The following AVIL variants were observed in gnomAD, a reference collection of about 807,000 sequenced individuals.
AVIL encodes advillin.
A neutral mutation model predicts 109.9 loss-of-function variants in AVIL; 78 were observed. The ratio of observed to expected loss-of-function variants is 0.71; its 90% CI spans 0.59 to 0.86. The LOEUF is 0.86. Ranked by LOEUF, AVIL falls within the 40% of genes least tolerant of loss-of-function variation. The pLI is 0.00. For synonymous variants in AVIL, 367 were observed against 379.1 expected, an observed-to-expected ratio of 0.97 and a Z score of 0.37; for missense variants, 892 against 1,016.5, an observed-to-expected ratio of 0.88 and a Z score of 1.67.
At chr12:57,800,765 G>A (rs528619657) in intron 18 of AVIL, 11 of 160,552 alleles carry the variant, frequency 6.9e-5, no homozygotes, top group East Asian at 3.6e-4. Flanking sequence ...ATGCCACCAC[G>A]GCCGGCTAAT....
chr12:57,814,244 G>T lies in AVIL; in HGVS notation c.67-18C>A. On this transcript the variant is annotated intron_variant, in intron 2 of 19. Coordinates refer to ENST00000549994, the MANE Select transcript of AVIL (RefSeq NM_006576.4). ...TCCATTTTCTGGAAGGACAAGGGGT[G>T]GGTATAGGCTACATCCCCTCCCACC... The T allele has an allele frequency of 6.2e-7, 1 of 1,607,710 alleles. No individual in the cohort carries two copies. Among genetic ancestry groups the T allele is most frequent in the Non-Finnish European group, 8.5e-7 (1 of 1,177,478 alleles).
intron 18 of AVIL, 80 bp downstream of exon 18, chr12:57,801,064 T>C (rs1797427665): frequency 8.3e-7 from 1 of 1,205,586 alleles, no homozygotes; most frequent in South Asian, 1.3e-5. Flanking sequence ...GTTTTGCCTG[T>C]GAGCATCTGT....
chr12:57,808,639 G>T, intron 9 of AVIL, 91 bp from the exon 10 acceptor site: 2 of 1,427,900 alleles, frequency 1.4e-6, no homozygotes, highest in South Asian at 1.4e-5. Flanking sequence ...GAAGCCACAT[G>T]ATATAAGCGT....
chr12:57,806,578 C>T (rs1955951023), intron 13 of AVIL, 39 bp from the exon 14 acceptor site: 2 of 1,607,366 alleles, frequency 1.2e-6, no homozygotes, highest in Non-Finnish European at 1.7e-6. Context: ...CTAAGGAGCA[C>T]CATGTGAGCA....
Position 57,807,632 on chromosome 12 carries a change from G to C in AVIL, c.1290C>G (p.Tyr430Ter). The change falls in exon 12 of 20, where the codon TAC becomes TAG. Residue 430 changes from tyrosine to a stop codon, truncating the protein, a stop_gained. Transcript: ENST00000549994. LOFTEE classifies it high-confidence loss of function. ...TGTGATGTGGCTTCCCATTTACCTC[G>C]TATGTGTAGAGGACCAGATAACAGT... ...GGDCYLVLYT[Y>*]EVNGKPHHIL... is the part of the protein sequence containing the mutation. 1 of 1,614,212 alleles carries C rather than the reference G, an allele frequency of 6.2e-7. No individual in the cohort carries two copies. Among genetic ancestry groups the C allele is most frequent in the African/African-American group, 1.3e-5 (1 of 75,054 alleles).
At chr12:57,809,118 C>T in intron 9 of AVIL, 1 of 169,078 alleles carries the variant, frequency 5.9e-6, no homozygotes, top group Non-Finnish European at 1.3e-5. Context: ...TCTCAGTGCC[C>T]TGCCAGGTAG....
chr12:57,810,017 T>A, intron 7 of AVIL, 127 bp from the exon 8 acceptor site: 1 of 944,006 alleles, frequency 1.1e-6, no homozygotes, highest in Admixed American at 2.1e-5. Flanking sequence ...AAGACAGCCA[T>A]GACTTGAGTG....
rs756406389 is a variant in AVIL at position 57,808,183 on chromosome 12, A to G, written c.1194+11T>C. The G allele has an allele frequency of 6.2e-7, 1 of 1,613,594 alleles. No individual in the cohort carries two copies. ...TGCTGTCTGCCCTGACATTTGAATC[A>G]TTGGGCTTACCTCAACTTTTCCGTT... On this transcript the variant is annotated intron_variant, in intron 11 of 19. Transcript: ENST00000549994.
rs777268075 is a variant in AVIL, at chr12:57,811,004, G to A, written c.447+15C>T. ...AGAAGCCCCGGGCCTGGGGCAGAGA[G>A]TGTGCAGGACTAACCTCGGTAGCCC... On this transcript the variant is annotated intron_variant, in intron 5 of 19. Coordinates refer to ENST00000549994, the MANE Select transcript of AVIL (RefSeq NM_006576.4). 1.9e-6 allele frequency: 3 copies of A among 1,613,978 alleles called. No homozygotes were observed. In the African/African-American group the frequency reaches 4.0e-5, roughly 22 times the overall value.
At chr12:57,799,559 A>C (rs1565827786) in intron 19 of AVIL, among the ~76,000 whole-genome samples, 1 of 152,228 alleles carries the variant, frequency 6.6e-6, no homozygotes, top group Non-Finnish European at 1.5e-5. Flanking sequence ...GCTGGACTAG[A>C]CTAGTAGCAG....
intron 18 of AVIL, 97 bp downstream of exon 18, chr12:57,801,047 G>A: frequency 1.0e-6 from 1 of 968,740 alleles, no homozygotes; most frequent in Non-Finnish European, 1.6e-6. Context: ...TAATACTAAG[G>A]ACATGAGTTT....
chr12:57,817,373 G>C (rs1244931835), intron 1 of AVIL, among the ~76,000 whole-genome samples: 3 of 149,886 alleles, frequency 2.0e-5, no homozygotes, highest in Non-Finnish European at 4.4e-5. Flanking sequence ...CATCTAGTAT[G>C]GACTTTGGCA....
chr12:57,817,688 CTG>C (rs1956114631), intron 1 of AVIL, among the ~76,000 whole-genome samples: 1 of 152,124 alleles, frequency 6.6e-6, no homozygotes, highest in Admixed American at 6.5e-5. Context: ...GCAATTAGGA[CTG>C]TGAGCCTCAG....
At chr12:57,800,115 T>C (rs1203585558) in intron 18 of AVIL, 195 bp from the exon 19 acceptor site, 2 of 730,892 alleles carry the variant, frequency 2.7e-6, no homozygotes, top group African/African-American at 1.8e-5. Flanking sequence ...GATTTTGGGG[T>C]TGTTCTTGGG....
intron 19 of AVIL, 55 bp from the exon 20 acceptor site, chr12:57,798,050 C>CAGA: frequency 7.2e-7 from 1 of 1,387,620 alleles, no homozygotes; most frequent in Non-Finnish European, 9.9e-7. Context: ...TCATTGCCAA[C>CAGA]AGAAGTTGAG....
rs1208169324 is a variant in AVIL at position 57,802,192 on chromosome 12, A to C, written c.2119T>G (p.Trp707Gly). Residue 707 changes from tryptophan (W) to glycine (G), a missense_variant, in exon 17 of 20, where the codon TGG becomes GGG. Physicochemically the swap from Trp to Gly is radical, Grantham distance 184. Coordinates refer to ENST00000549994, the MANE Select transcript of AVIL (RefSeq NM_006576.4). The stretch of plus-strand genomic sequence containing the variant: ...ATGTTAGGGTCCCAGGCTAGGAACC[A>C]GCCTGTGAAGATGGGAGGCTCAAAC... ...QGFEPPIFTG[W>G]FLAWDPNIWS... The C allele has an allele frequency of 6.2e-7, 1 of 1,613,894 alleles. No individual in the cohort carries two copies. Among genetic ancestry groups the C allele is most frequent in the Admixed American group, 1.7e-5 (1 of 60,000 alleles).
intron 2 of AVIL, chr12:57,815,604 G>C (rs1165144527): frequency 7.8e-7 from 1 of 1,288,060 alleles, no homozygotes; most frequent in Admixed American, 2.4e-5. Context: ...TAGGAGCCAG[G>C]GTGCCCCGTG....
At chr12:57,816,707 T>C (rs1400531562) in intron 1 of AVIL, among the ~76,000 whole-genome samples, 1 of 143,270 alleles carries the variant, frequency 7.0e-6, no homozygotes, top group African/African-American at 2.5e-5. Flanking sequence ...GTCCTTTTTT[T>C]TTTTTTTTTT....
Position 57,811,169 on chromosome 12 carries a change from G to T in AVIL, c.339-42C>A, listed in dbSNP as rs1956033723. The T allele has an allele frequency of 3.2e-6, 5 of 1,585,736 alleles. No individual in the cohort carries two copies. The East Asian group carries it at 1.1e-4, about 36-fold the overall frequency. On this transcript the variant is annotated intron_variant, in intron 4 of 19. Coordinates refer to ENST00000549994, the MANE Select transcript of AVIL (RefSeq NM_006576.4). ...TCAGTTATTTGAGTGCCTGCTATGT[G>T]CTAGGTTCTGGGGAGACAGTGGTGA...
Sources: gnomAD v4.1 joint callset for allele counts (sites outside exome capture counted in the v4.1 genomes callset) on GRCh38, gnomAD v4.1.1 for gene constraint, MANE v1.5 for transcripts, NCBI Gene and HGNC (gene_info 2026-07-23, HGNC 2026-07-21) for gene names.